The following NWD2 variants were observed in gnomAD, a reference collection of about 807,000 sequenced individuals.
NWD2 encodes the protein NACHT and WD repeat domain containing 2, also known as NACHT and WD repeat domain-containing protein 2.
A neutral mutation model predicts 132.7 loss-of-function variants in NWD2; 37 were observed. The observed-to-expected ratio is 0.28, with a 90% CI of 0.21 to 0.37. The LOEUF (loss-of-function observed/expected upper bound fraction) is 0.37, where lower values mean the gene tolerates loss of function less well. NWD2 is among the 10% of genes least tolerant of loss of function. The pLI is 1.00. For synonymous variants in NWD2, 705 were observed against 803.0 expected (o/e 0.88, Z 2.06); for missense variants, 1,592 against 2,122.4 (o/e 0.75, Z 4.91).
At chr4:37,263,169 A>G (rs909797831) in intron 1 of NWD2, among the ~76,000 whole-genome samples, 1 of 152,168 alleles carries the variant, frequency 6.6e-6, no homozygotes, top group South Asian at 2.1e-4. Flanking sequence ...GAGATCCCAG[A>G]GTATTTTATA....
intron 3 of NWD2, among the ~76,000 whole-genome samples, chr4:37,363,650 C>T (rs1439739799): frequency 6.6e-6 from 1 of 152,086 alleles, no homozygotes; most frequent in East Asian, 1.9e-4. Context: ...CACACACATG[C>T]TGCCATCAGT....
chr4:37,326,340 G>A (rs1007610038), intron 2 of NWD2, among the ~76,000 whole-genome samples: 1 of 152,108 alleles, frequency 6.6e-6, no homozygotes, highest in Non-Finnish European at 1.5e-5. Context: ...CTGAGTTTAA[G>A]CTATGGTTTC....
intron 1 of NWD2, among the ~76,000 whole-genome samples, chr4:37,324,925 C>CG (rs927210522): frequency 7.2e-5 from 11 of 152,102 alleles, no homozygotes; most frequent in African/African-American, 2.7e-4. Context: ...TTCTTTTAAA[C>CG]GGTTATCTTT....
intron 3 of NWD2, among the ~76,000 whole-genome samples, chr4:37,420,261 C>T (rs1180956119): frequency 6.6e-6 from 1 of 152,180 alleles, no homozygotes; most frequent in Non-Finnish European, 1.5e-5. Context: ...TTCAGTGACA[C>T]TTTTCCATTC....
chr4:37,367,025 CT>C (rs560616631), intron 3 of NWD2, among the ~76,000 whole-genome samples: 4 of 152,040 alleles, frequency 2.6e-5, no homozygotes, highest in South Asian at 2.1e-4. Context: ...CAAAATATAC[CT>C]TTTTTCAATT....
intron 1 of NWD2, among the ~76,000 whole-genome samples, chr4:37,309,250 T>C (rs540949094): frequency 2.4e-4 from 36 of 152,030 alleles, no homozygotes; most frequent in African/African-American, 8.7e-4. Flanking sequence ...CTTTGGGGAG[T>C]GCACACGAGC....
At chr4:37,403,847 A>G (rs41441245) in intron 3 of NWD2, among the ~76,000 whole-genome samples, 5,089 of 152,290 alleles carry the variant, frequency 0.033, 206 homozygotes, top group African/African-American at 0.092. Context: ...TTTAGGTCCA[A>G]TTCAGGAATG....
rs370337328 is a variant in NWD2, at chr4:37,389,931, C to A, written c.357+33449C>A. Among the ~76,000 whole-genome samples the A allele has an allele frequency of 2.0e-5, 3 of 152,142 alleles. No individual in the cohort carries two copies. The East Asian group carries it at 5.8e-4, about 29-fold the overall frequency. ...GAGTAGCTGGGATTACAGTCCCCAC[C>A]ACCATGCCTGGCTAATTTTTGTATT... On this transcript the variant is annotated intron_variant, in intron 3 of 6. Coordinates refer to ENST00000309447, the MANE Select transcript of NWD2 (RefSeq NM_001144990.2).
At position 37,245,054 on chromosome 4, in the gene NWD2, C is replaced by T. The variant is rs960211519; in HGVS notation, c.-14C>T. Reference sequence around the variant, plus strand: ...GGTGGCGGCGGCGGCAGTGGCTGTTCCTCCCAGAGGGCGATGTGGCCGGCC... The same window carrying T: ...GGTGGCGGCGGCGGCAGTGGCTGTTTCTCCCAGAGGGCGATGTGGCCGGCC... On this transcript the variant is annotated 5_prime_UTR_variant, in exon 1 of 7. Transcript: ENST00000309447. 4 of 1,543,330 alleles carry T rather than the reference C, an allele frequency of 2.6e-6. No individual in the cohort carries two copies. In the East Asian group the frequency reaches 9.8e-5, roughly 38 times the overall value.
intron 3 of NWD2, among the ~76,000 whole-genome samples, chr4:37,392,431 G>A (rs1720695979): frequency 6.6e-6 from 1 of 151,970 alleles, no homozygotes; most frequent in African/African-American, 2.4e-5. Context: ...TCTGCGGCGG[G>A]GGCTGCTGTG....
At chr4:37,405,024 A>G (rs556421416) in intron 3 of NWD2, among the ~76,000 whole-genome samples, 11 of 152,284 alleles carry the variant, frequency 7.2e-5, no homozygotes, top group African/African-American at 2.6e-4. Flanking sequence ...AGGGACACAG[A>G]TCCAAACCAT....
At chr4:37,391,543 C>T (rs1357906780) in intron 3 of NWD2, among the ~76,000 whole-genome samples, 1 of 152,128 alleles carries the variant, frequency 6.6e-6, no homozygotes, top group Non-Finnish European at 1.5e-5. Context: ...AGAATAAAAA[C>T]CTTTTGTCAT....
chr4:37,389,288 T>A (rs1232559747), intron 3 of NWD2, among the ~76,000 whole-genome samples: 1 of 152,264 alleles, frequency 6.6e-6, no homozygotes, highest in East Asian at 1.9e-4. Flanking sequence ...TTCCTTTGAA[T>A]GTACCCACTT....
At chr4:37,428,903 T>A (rs1344303128) in intron 3 of NWD2, among the ~76,000 whole-genome samples, 2 of 152,188 alleles carry the variant, frequency 1.3e-5, no homozygotes, top group South Asian at 2.1e-4. Context: ...GGCTAGTTTT[T>A]GTATTTTTAG....
Position 37,350,292 on chromosome 4 carries a change from G to A in NWD2, c.241-6074G>A, listed in dbSNP as rs536279131. Among the ~76,000 whole-genome samples, 40 of 152,272 alleles carry A rather than the reference G, an allele frequency of 2.6e-4. No homozygotes were observed. The South Asian group carries it at 3.9e-3, about 15-fold the overall frequency. On this transcript the variant is annotated intron_variant, in intron 2 of 6. Transcript: ENST00000309447. ...CTTTGGACAGTATGGCTATTTTCACGATATTGATTCTTCCTATCCATGAGC... is the reference window on the plus strand; with the variant it reads ...CTTTGGACAGTATGGCTATTTTCACAATATTGATTCTTCCTATCCATGAGC...
chr4:37,360,585 G>A (rs953331481), intron 3 of NWD2, among the ~76,000 whole-genome samples: 4 of 152,310 alleles, frequency 2.6e-5, no homozygotes, highest in African/African-American at 9.6e-5. Flanking sequence ...ACAAATCACA[G>A]CTGAGTAACA....
chr4:37,378,257 G>T (rs1720384807), intron 3 of NWD2, among the ~76,000 whole-genome samples: 1 of 126,542 alleles, frequency 7.9e-6, no homozygotes, highest in Admixed American at 8.9e-5. Context: ...ACATTATTCT[G>T]CTCTCCTATA....
At chr4:37,306,132 A>T (rs902712384) in intron 1 of NWD2, among the ~76,000 whole-genome samples, 1 of 152,212 alleles carries the variant, frequency 6.6e-6, no homozygotes, top group Admixed American at 6.5e-5. Flanking sequence ...TTTGTGTAGC[A>T]TTATGCATAA....
At chr4:37,381,046 G>A (rs776031975) in intron 3 of NWD2, among the ~76,000 whole-genome samples, 3 of 152,048 alleles carry the variant, frequency 2.0e-5, no homozygotes, top group South Asian at 2.1e-4. Context: ...TCCTAATGTC[G>A]AGCAAAATAA....
Sources: gnomAD v4.1 joint callset for allele counts (sites outside exome capture counted in the v4.1 genomes callset) on GRCh38, gnomAD v4.1.1 for gene constraint, MANE v1.5 for transcripts, NCBI Gene and HGNC (gene_info 2026-07-23, HGNC 2026-07-21) for gene names.